The following MUC21 variants were observed in gnomAD, a reference collection of about 807,000 sequenced individuals.
MUC21 encodes the protein mucin-21.
Under a neutral mutation model 9.1 loss-of-function variants are expected in MUC21, and 8 were observed. That is an observed-to-expected ratio of 0.88 (90% confidence interval 0.52 to 1.59). The LOEUF is 1.59. Ranked by LOEUF, MUC21 falls within the 40% of genes most tolerant of loss-of-function variation. The pLI, the probability that MUC21 is intolerant of heterozygous loss-of-function variation, is 0.00. For synonymous variants in MUC21, 189 were observed against 275.2 expected (o/e 0.69, Z 3.10); for missense variants, 478 against 694.2 (o/e 0.69, Z 3.50).
Position 30,987,662 on chromosome 6 carries a change from C to T in MUC21, c.1487C>T (p.Ala496Val). Residue 496 changes from alanine (A) to valine (V), a missense_variant, in exon 2 of 3, where the codon GCT becomes GTT. This residue lies in a region of MUC21 where 158 missense variants were observed against 192.6 expected (regional missense o/e 0.82). Coordinates refer to ENST00000376296, the MANE Select transcript of MUC21 (RefSeq NM_001010909.5). ...GTTGTGGCGGCCGTGGGGCTCTTTG[C>T]TGGGCTCTTCTTCTGTGTGGTGAGT... ...VSVVAAVGLF[A>V]GLFFCVRNSL... 1 of 1,613,772 alleles carries T rather than the reference C, an allele frequency of 6.2e-7. No homozygotes were observed. The highest frequency in any genetic ancestry group is 8.5e-7 in the Non-Finnish European group (1 of 1,179,920).
Position 30,986,460 on chromosome 6 carries a change from C to T in MUC21, c.285C>T (p.Phe95=). 1.3e-6 allele frequency: 2 copies of T among 1,598,324 alleles called. No individual in the cohort carries two copies. Among genetic ancestry groups the T allele is most frequent in the African/African-American group, 2.7e-5 (2 of 74,418 alleles). ...TCAGCACAGCCACCAACTCTGAGTT[C>T]AGCACAGTGTCCAGTGGGATCAGCA... ...SGISTATNSE[F]STVSSGISIA... The change falls in exon 2 of 3, where the codon TTC becomes TTT. Residue 95 remains phenylalanine, a synonymous_variant. Transcript: ENST00000376296.
chr6:30,987,939 C>T (rs1407049240), intron 2 of MUC21, 61 bp from the exon 3 acceptor site: 10 of 981,034 alleles, frequency 1.0e-5, no homozygotes, highest in African/African-American at 3.2e-5. Flanking sequence ...AGAAGGCGTA[C>T]GTGGTAAAGG....
In MUC21 at chr6:30,987,360, C is replaced by T; in HGVS notation, c.1185C>T (p.Ser395=). ...CCAGCACAGCCACCACCTCTGAGTC[C>T]AGCACGACCTCCAGTGGGGCCAGCA... ...SGASTATTSE[S]STTSSGASTA... The change falls in exon 2 of 3, where the codon TCC becomes TCT. Residue 395 remains serine (S), a synonymous_variant. Coordinates refer to ENST00000376296, the MANE Select transcript of MUC21 (RefSeq NM_001010909.5). The T allele has an allele frequency of 3.1e-6, 5 of 1,594,566 alleles. No homozygotes were observed. The highest frequency in any genetic ancestry group is 4.3e-6 in the Non-Finnish European group (5 of 1,169,896).
At position 30,987,624 on chromosome 6, in the gene MUC21, C is replaced by T; in HGVS notation, c.1449C>T (p.Ile483=). The change falls in exon 2 of 3, where the codon ATC becomes ATT. Residue 483 remains isoleucine (I), a synonymous_variant. Transcript: ENST00000376296. Reference sequence around the variant, plus strand: ...TGGTGCCGTGGGAAATCTTCCTCATCACCCTGGTCTCGGTTGTGGCGGCCG... The same window carrying T: ...TGGTGCCGTGGGAAATCTTCCTCATTACCCTGGTCTCGGTTGTGGCGGCCG... ...GSLVPWEIFL[I]TLVSVVAAVG... 2 of 1,614,238 alleles carry T rather than the reference C, an allele frequency of 1.2e-6. No individual in the cohort carries two copies. The highest frequency in any genetic ancestry group is 1.1e-5 in the South Asian group (1 of 91,086).
chr6:30,986,584 A>G lies in MUC21; in HGVS notation c.409A>G (p.Asn137Asp), dbSNP rs749257074. Residue 137 changes from asparagine (N) to aspartate (D), a missense_variant, in exon 2 of 3, where the codon AAC becomes GAC. By Grantham distance (23) the Asn-to-Asp change is conservative. Coordinates refer to ENST00000376296, the MANE Select transcript of MUC21 (RefSeq NM_001010909.5). ...CTCCAGTGGGGCCAGCACAGCCACC[A>G]ACTCTGACTCCAGCACAACCTCCAG... ...TPSSGASTAT[N>D]SDSSTTSSGA... 6.3e-7 allele frequency: 1 copy of G among 1,575,258 alleles called. No homozygotes were observed.
At chr6:30,986,121 A>T (rs1762232036) in intron 1 of MUC21, 116 bp from the exon 2 acceptor site, 4 of 906,800 alleles carry the variant, frequency 4.4e-6, no homozygotes, top group South Asian at 3.5e-5. Flanking sequence ...TAATAATAGC[A>T]TCTATGTTAT....
Position 30,986,937 on chromosome 6 carries a change from A to G in MUC21, c.762A>G (p.Thr254=), listed in dbSNP as rs41288658. Residue 254 remains threonine (T), a synonymous_variant, in exon 2 of 3, where the codon ACA becomes ACG. Coordinates refer to ENST00000376296, the MANE Select transcript of MUC21 (RefSeq NM_001010909.5). ...ESSTPSSGAG[T]ATNSESSTTS... is the part of the protein sequence containing the mutation. ...GCACACCCTCCAGTGGGGCCGGCAC[A>G]GCCACCAACTCTGAGTCCAGCACGA... 57 of 1,533,984 alleles carry G rather than the reference A, an allele frequency of 3.7e-5. 2 individuals are homozygous for G. The Admixed American group carries it at 1.0e-3, about 28-fold the overall frequency.
chr6:30,986,236 G>T lies in MUC21; in HGVS notation c.62-1G>T. The T allele has an allele frequency of 6.2e-7, 1 of 1,604,008 alleles. No homozygotes were observed. ...TATTTGTCATTATATGATTTCTTCA[G>T]CAACAAATTCCAATGAGACTAGCAC... On this transcript the variant is annotated splice_acceptor_variant, in intron 1 of 2. Transcript: ENST00000376296. LOFTEE classifies it high-confidence loss of function.
chr6:30,987,851 C>G, intron 2 of MUC21, 149 bp from the exon 3 acceptor site: 1 of 1,216,684 alleles, frequency 8.2e-7, no homozygotes, highest in Non-Finnish European at 1.1e-6. Context: ...TGCTGACCTG[C>G]GGGAAAAGGG....
chr6:30,984,216 A>G (rs1762156896), intron 1 of MUC21, 197 bp downstream of exon 1: 5 of 523,282 alleles, frequency 9.6e-6, no homozygotes, highest in Non-Finnish European at 1.7e-5. Context: ...CTCTGGTCTC[A>G]CATTGCCTAC....
intron 1 of MUC21, among the ~76,000 whole-genome samples, chr6:30,985,265 T>A (rs1203571239): frequency 6.6e-6 from 1 of 152,176 alleles, no homozygotes. Flanking sequence ...GGAGCTCTTA[T>A]GTATTTGAGC....
At position 30,984,700 on chromosome 6, in the gene MUC21, C is replaced by A. The variant is rs533373556; in HGVS notation, c.61+681C>A. Among the ~76,000 whole-genome samples, 46 of 151,826 alleles carry A rather than the reference C, an allele frequency of 3.0e-4. No individual in the cohort carries two copies. In the South Asian group the frequency reaches 7.9e-3, roughly 26 times the overall value. On this transcript the variant is annotated intron_variant, in intron 1 of 2. Coordinates refer to ENST00000376296, the MANE Select transcript of MUC21 (RefSeq NM_001010909.5). ...AATAAAATAATAAAATAAGGCCAGG[C>A]TCAGTGGCTCACGCCTGTAATCTCA...
chr6:30,986,690 C>A lies in MUC21; in HGVS notation c.515C>A (p.Thr172Lys), dbSNP rs150697517. Residue 172 changes from threonine (T) to lysine (K), a missense_variant, in exon 2 of 3, where the codon ACA becomes AAA. By Grantham distance (78) the Thr-to-Lys change is moderately conservative. Around this residue, in one of 5 missense-constraint regions of MUC21, gnomAD observed 53 missense variants for 139.1 expected, o/e 0.38. Transcript: ENST00000376296. Reference sequence around the variant, plus strand: ...ACAGCCACCAACTCTGAGTCCAGCACAACCTCCAGTGGGGCCAGCACAGCC... The same window carrying A: ...ACAGCCACCAACTCTGAGTCCAGCAAAACCTCCAGTGGGGCCAGCACAGCC... ...ASTATNSESSTTSSGASTATN... is the reference protein window; with the variant it reads ...ASTATNSESSKTSSGASTATN... 2.5e-5 allele frequency: 36 copies of A among 1,417,878 alleles called. No individual in the cohort carries two copies. The highest frequency in any genetic ancestry group is 1.7e-4 in the Admixed American group (8 of 47,960). 87.8% of individuals were successfully genotyped at this position (1,417,878 alleles called of 1,614,324 possible). A position where few individuals can be genotyped will look rare whatever the true frequency, so the allele number is the denominator to read the frequency against.
chr6:30,987,905 T>C, intron 2 of MUC21, 95 bp from the exon 3 acceptor site: 2 of 1,012,866 alleles, frequency 2.0e-6, no homozygotes, highest in East Asian at 2.4e-5. Flanking sequence ...GTAAAGAGTG[T>C]GGTTGGAAGT....
rs1314084664 is a variant in MUC21, at chr6:30,986,453, C to CT, written c.279dup (p.Glu94Ter). On this transcript the variant is annotated frameshift_variant, in exon 2 of 3. Coordinates refer to ENST00000376296, the MANE Select transcript of MUC21 (RefSeq NM_001010909.5). LOFTEE classifies it high-confidence loss of function. ...AGTGGGATCAGCACAGCCACCAACTCTGAGTTCAGCACAGTGTCCAGTGGG... is the reference window on the plus strand; with the variant it reads ...AGTGGGATCAGCACAGCCACCAACTCTTGAGTTCAGCACAGTGTCCAGTGGG... The CT allele has an allele frequency of 3.8e-6, 6 of 1,597,248 alleles. No homozygotes were observed. The highest frequency in any genetic ancestry group is 5.1e-6 in the Non-Finnish European group (6 of 1,167,792).
Position 30,987,587 on chromosome 6 carries a change from C to G in MUC21, c.1412C>G (p.Pro471Arg), listed in dbSNP as rs1205235334. 1 of 1,614,118 alleles carries G rather than the reference C, an allele frequency of 6.2e-7. No individual in the cohort carries two copies. Among genetic ancestry groups the G allele is most frequent in the Non-Finnish European group, 8.5e-7 (1 of 1,180,042 alleles). The change falls in exon 2 of 3, where the codon CCT (proline) becomes CGT (arginine). Residue 471 changes from proline (P) to arginine (R), a missense_variant. Pro to Arg is a moderately radical substitution (Grantham distance 103, BLOSUM62 -2). Coordinates refer to ENST00000376296, the MANE Select transcript of MUC21 (RefSeq NM_001010909.5). The part of the protein sequence containing the change: ...SASTAVSEAK[P>R]GGSLVPWEIF... ...TCTACTGCAGTGAGTGAGGCGAAGC[C>G]TGGTGGGTCCCTGGTGCCGTGGGAA...
chr6:30,986,401 A>C lies in MUC21; in HGVS notation c.226A>C (p.Thr76Pro). The C allele has an allele frequency of 6.2e-7, 1 of 1,612,810 alleles. No homozygotes were observed. ...GACCTCCAATGGGGTCAGCATAGTC[A>C]CCAACTCTGAGTTCCATACAACCTC... ...SVTSNGVSIVTNSEFHTTSSG... is the reference protein window; with the variant it reads ...SVTSNGVSIVPNSEFHTTSSG... The change falls in exon 2 of 3, where the codon ACC becomes CCC. Residue 76 changes from threonine to proline, a missense_variant. Physicochemically the swap from Thr to Pro is conservative, Grantham distance 38. This residue lies in a region of MUC21 where 110 missense variants were observed against 108.3 expected (regional missense o/e 1.02). Transcript: ENST00000376296.
intron 2 of MUC21, 142 bp from the exon 3 acceptor site, chr6:30,987,858 A>G (rs1762451056): frequency 4.3e-6 from 5 of 1,163,604 alleles, no homozygotes; most frequent in Admixed American, 2.6e-5. Context: ...CTGCGGGAAA[A>G]GGGGGCCACA....
chr6:30,986,074 C>A (rs757591533), intron 1 of MUC21, 163 bp from the exon 2 acceptor site: 124 of 766,022 alleles, frequency 1.6e-4, no homozygotes, highest in Non-Finnish European at 2.4e-4. Flanking sequence ...CCAGTATCAA[C>A]ATTTTGAAGC....
Sources: gnomAD v4.1 joint callset for allele counts (sites outside exome capture counted in the v4.1 genomes callset) on GRCh38, gnomAD v4.1.1 for gene constraint, gnomAD v4.1.1 regional missense constraint, MANE v1.5 for transcripts, NCBI Gene and HGNC (gene_info 2026-07-23, HGNC 2026-07-21) for gene names.